CHN1: variants seen among roughly 807,000 people sequenced by gnomAD.
CHN1 encodes the protein N-chimaerin.
CHN1 carries 37 observed loss-of-function variants against 59.5 expected under a neutral mutation model. That is an observed-to-expected ratio of 0.62 (90% CI 0.48 to 0.82). The LOEUF (loss-of-function observed/expected upper bound fraction) is 0.82, where lower values mean the gene tolerates loss of function less well. Among genes scored for constraint, CHN1 ranks in the 40% least tolerant of loss-of-function variants. The pLI is 0.00. For synonymous variants in CHN1, 206 were observed against 200.4 expected (o/e 1.03, Z -0.24); for missense variants, 469 against 571.0 (o/e 0.82, Z 1.82).
chr2:174,945,216 T>C (rs1159241838), intron 2 of CHN1: 1 of 478,246 alleles, frequency 2.1e-6, no homozygotes, highest in Non-Finnish European at 4.1e-6. Flanking sequence ...CTCCATAATC[T>C]GGTCATTTAT....
intron 5 of CHN1, among the ~76,000 whole-genome samples, chr2:174,891,023 C>T (rs1196396726): frequency 1.3e-5 from 2 of 150,540 alleles, no homozygotes; most frequent in African/African-American, 4.9e-5. Context: ...CGCCTGTGGT[C>T]CCAGCTACTT....
At chr2:174,962,199 C>T (rs965516569) in intron 1 of CHN1, among the ~76,000 whole-genome samples, 4 of 151,788 alleles carry the variant, frequency 2.6e-5, no homozygotes, top group Admixed American at 6.6e-5. Flanking sequence ...GCAGGAGAAT[C>T]GCTTGAACCT....
chr2:174,874,102 C>T (rs546610007), intron 6 of CHN1, among the ~76,000 whole-genome samples: 25 of 152,214 alleles, frequency 1.6e-4, no homozygotes, highest in Non-Finnish European at 1.2e-4. Flanking sequence ...TTATGTGAGA[C>T]ATTTCGAAAG....
At chr2:174,807,446 CTGTGTGTGTGTGTG>C (rs71031071) in intron 11 of CHN1, among the ~76,000 whole-genome samples, 6,289 of 83,788 alleles carry the variant, frequency 0.075, 228 homozygotes, top group Non-Finnish European at 0.087. Context: ...CACGGGCTAT[CTGTGTGTGTGTGTG>C]TGTGTGTGTG....
intron 1 of CHN1, among the ~76,000 whole-genome samples, chr2:175,001,933 C>T (rs1284520940): frequency 6.6e-6 from 1 of 152,338 alleles, no homozygotes; most frequent in African/African-American, 2.4e-5. Flanking sequence ...TACTAGAAAA[C>T]ATGTGCTCTC....
intron 7 of CHN1, among the ~76,000 whole-genome samples, chr2:174,831,340 C>T (rs1434865496): frequency 6.6e-6 from 1 of 152,098 alleles, no homozygotes; most frequent in African/African-American, 2.4e-5. Context: ...TCTAAAATTA[C>T]AAAATGAATG....
At chr2:174,938,848 G>GA (rs1185509824) in intron 3 of CHN1, among the ~76,000 whole-genome samples, 1 of 151,358 alleles carries the variant, frequency 6.6e-6, no homozygotes, top group South Asian at 2.1e-4. Context: ...TTTTTTTGGA[G>GA]AAAAAAATAT....
rs555020741 is a variant in CHN1 at position 174,849,383 on chromosome 2, C to G, written c.550-2426G>C. On this transcript the variant is annotated intron_variant, in intron 6 of 12. Transcript: ENST00000409900. Reference sequence around the variant, plus strand: ...TCTGGATTAACTGCAATCTGAGCAGCTACCTAGGGCAGTAAGGAGATAGAA... The same window carrying G: ...TCTGGATTAACTGCAATCTGAGCAGGTACCTAGGGCAGTAAGGAGATAGAA... Among the ~76,000 whole-genome samples, 6 of 152,288 alleles carry G rather than the reference C, an allele frequency of 3.9e-5. No homozygotes were observed. The South Asian group carries it at 1.2e-3, about 32-fold the overall frequency.
intron 8 of CHN1, among the ~76,000 whole-genome samples, chr2:174,823,880 T>C (rs909175684): frequency 1.2e-4 from 19 of 152,232 alleles, no homozygotes; most frequent in African/African-American, 4.3e-4. Flanking sequence ...AAGTATTTGA[T>C]GTATTTGATT....
intron 8 of CHN1, among the ~76,000 whole-genome samples, chr2:174,823,523 T>C (rs2646183): frequency 0.53 from 80,438 of 151,438 alleles, 22,211 homozygotes; most frequent in African/African-American, 0.65. Flanking sequence ...ATTAGCTGGG[T>C]GTGGTGGCGG....
At chr2:174,995,348 G>A (rs1230814306) in intron 1 of CHN1, among the ~76,000 whole-genome samples, 2 of 152,202 alleles carry the variant, frequency 1.3e-5, no homozygotes, top group African/African-American at 4.8e-5. Context: ...GCTATTCTGA[G>A]CAGCATGATG....
intron 8 of CHN1, among the ~76,000 whole-genome samples, chr2:174,815,325 C>CT (rs1382339565): frequency 1.3e-5 from 2 of 152,100 alleles, no homozygotes; most frequent in African/African-American, 4.8e-5. Context: ...CTGCAGTGAG[C>CT]TATGATCACA....
In CHN1 at chr2:174,944,881, C is replaced by A; in HGVS notation, c.114+7G>T. On this transcript the variant is annotated splice_region_variant and intron_variant, in intron 3 of 12. Transcript: ENST00000409900. ...ACATTTTTTGGTAGCAGTTTCATTA[C>A]ACCCACCTCGCAAGTACAGGTAATT... 1 of 1,576,012 alleles carries A rather than the reference C, an allele frequency of 6.3e-7. No homozygotes were observed. The highest frequency in any genetic ancestry group is 8.6e-7 in the Non-Finnish European group (1 of 1,158,762).
intron 5 of CHN1, among the ~76,000 whole-genome samples, chr2:174,900,638 T>C (rs1664563645): frequency 6.6e-6 from 1 of 152,078 alleles, no homozygotes. Flanking sequence ...AAACTGCGTC[T>C]CTACTAAAAA....
intron 5 of CHN1, among the ~76,000 whole-genome samples, chr2:174,890,355 G>C (rs1688009762): frequency 1.3e-5 from 2 of 152,022 alleles, no homozygotes; most frequent in South Asian, 4.1e-4. Context: ...ATAATAAAAG[G>C]GTCAATTCAC....
At chr2:174,832,140 G>T (rs1346879148) in intron 7 of CHN1, among the ~76,000 whole-genome samples, 1 of 152,008 alleles carries the variant, frequency 6.6e-6, no homozygotes, top group Non-Finnish European at 1.5e-5. Flanking sequence ...GTCATCTGAA[G>T]AAGTACTGTT....
intron 1 of CHN1, among the ~76,000 whole-genome samples, chr2:174,953,407 T>C (rs1690088558): frequency 6.6e-6 from 1 of 152,172 alleles, no homozygotes; most frequent in Non-Finnish European, 1.5e-5. Flanking sequence ...TGGAAATTGC[T>C]TGGCACCCCA....
In CHN1 at chr2:174,799,961, G is replaced by A. The variant is rs1684664792; in HGVS notation, c.*155C>T. The A allele has an allele frequency of 1.4e-6, 1 of 729,896 alleles. No individual in the cohort carries two copies. Among genetic ancestry groups the A allele is most frequent in the African/African-American group, 1.7e-5 (1 of 57,840 alleles). 45.2% of individuals were successfully genotyped at this position (729,896 alleles called of 1,614,324 possible). ...GTTCACTGTTTTACAAGACAGCTGAGCGGTGCTACAAAAACAACAGAAAGT... is the reference window on the plus strand; with the variant it reads ...GTTCACTGTTTTACAAGACAGCTGAACGGTGCTACAAAAACAACAGAAAGT... On this transcript the variant is annotated 3_prime_UTR_variant, in exon 13 of 13. Transcript: ENST00000409900.
intron 1 of CHN1, among the ~76,000 whole-genome samples, chr2:174,962,764 G>A (rs1690456143): frequency 6.9e-6 from 1 of 145,932 alleles, no homozygotes; most frequent in African/African-American, 2.5e-5. Context: ...ACAAAAATTA[G>A]CCGGGCATGA....
Sources: gnomAD v4.1 joint callset for allele counts (sites outside exome capture counted in the v4.1 genomes callset) on GRCh38, gnomAD v4.1.1 for gene constraint, MANE v1.5 for transcripts, NCBI Gene and HGNC (gene_info 2026-07-23, HGNC 2026-07-21) for gene names.